ADCY8: variants seen among roughly 807,000 people sequenced by gnomAD.
ADCY8 encodes the protein adenylate cyclase 8.
A neutral mutation model predicts 119.7 loss-of-function variants in ADCY8; 51 were observed. The observed-to-expected ratio is 0.43, with a 90% CI of 0.34 to 0.54. ADCY8 has a LOEUF of 0.54. Ranked by LOEUF, ADCY8 falls within the 20% of genes least tolerant of loss-of-function variation. The pLI is 0.03. For missense variants in ADCY8, 1,383 were observed against 1,598.8 expected, an observed-to-expected ratio of 0.87 and a Z score of 2.30; for synonymous variants, 665 against 651.0, an observed-to-expected ratio of 1.02 and a Z score of -0.33.
At chr8:131,038,013 CTT>C (rs927417719) in intron 1 of ADCY8, among the ~76,000 whole-genome samples, 1 of 152,168 alleles carries the variant, frequency 6.6e-6, no homozygotes, top group East Asian at 1.9e-4. Context: ...TTTATAAACT[CTT>C]TGCTTTACCC....
intron 2 of ADCY8, among the ~76,000 whole-genome samples, chr8:130,967,957 T>C (rs1011706841): frequency 4.6e-5 from 7 of 152,140 alleles, no homozygotes; most frequent in African/African-American, 1.7e-4. Flanking sequence ...CCAAACCTCA[T>C]TGTCCTCATC....
intron 7 of ADCY8, among the ~76,000 whole-genome samples, chr8:130,897,042 T>C (rs1368947765): frequency 6.6e-6 from 1 of 152,162 alleles, no homozygotes; most frequent in African/African-American, 2.4e-5. Context: ...CAAGGTCTCT[T>C]AGTAGCAACT....
In ADCY8 at chr8:130,973,610, G is replaced by A. The variant is rs567466223; in HGVS notation, c.1110+16783C>T. Among the ~76,000 whole-genome samples the A allele has an allele frequency of 1.1e-3, 172 of 152,302 alleles. 1 individual carries two copies. Among genetic ancestry groups the A allele is most frequent in the South Asian group, 2.1e-3 (10 of 4,826 alleles). On this transcript the variant is annotated intron_variant, in intron 2 of 17. Coordinates refer to ENST00000286355, the MANE Select transcript of ADCY8 (RefSeq NM_001115.3). ...ACACACATTTGTGAGCTAAGTAAATGGTGATTGCTTTAAGCCACTACATTC... is the reference window on the plus strand; with the variant it reads ...ACACACATTTGTGAGCTAAGTAAATAGTGATTGCTTTAAGCCACTACATTC...
chr8:130,879,063 C>T (rs1471215999), intron 8 of ADCY8, among the ~76,000 whole-genome samples: 1 of 152,048 alleles, frequency 6.6e-6, no homozygotes, highest in African/African-American at 2.4e-5. Flanking sequence ...TCTTAAGATG[C>T]TAAAGTTTTG....
intron 2 of ADCY8, among the ~76,000 whole-genome samples, chr8:130,980,486 G>A (rs868496468): frequency 2.6e-5 from 4 of 152,134 alleles, no homozygotes; most frequent in South Asian, 2.1e-4. Context: ...GGTTAGAAAC[G>A]TTGGAAAAAA....
chr8:130,996,136 A>C (rs994739035), intron 1 of ADCY8, among the ~76,000 whole-genome samples: 12 of 152,170 alleles, frequency 7.9e-5, no homozygotes. Flanking sequence ...TAACAAATGC[A>C]TGAGAGCTAG....
chr8:130,930,444 G>A (rs966515774), intron 5 of ADCY8, among the ~76,000 whole-genome samples: 5 of 151,948 alleles, frequency 3.3e-5, no homozygotes, highest in Admixed American at 6.6e-5. Flanking sequence ...GTAGAGACAG[G>A]GTTTCACCGT....
Position 130,990,447 on chromosome 8 carries a change from C to G in ADCY8, c.1056G>C (p.Glu352Asp), listed in dbSNP as rs1489452194. Residue 352 changes from glutamate (E) to aspartate (D), a missense_variant, in exon 2 of 18, where the codon GAG becomes GAC. Transcript: ENST00000286355. ...SDRAQRQAFLETRRCVEARLR... is the reference protein window; with the variant it reads ...SDRAQRQAFLDTRRCVEARLR... ...GCCTGGCCTCCACACACCTCCGAGT[C>G]TCCAGGAAAGCTTGGCGCTGGGCCC... The G allele has an allele frequency of 3.1e-6, 5 of 1,614,224 alleles. No homozygotes were observed. The highest frequency in any genetic ancestry group is 4.2e-6 in the Non-Finnish European group (5 of 1,180,022).
chr8:130,976,274 G>C (rs1215732771), intron 2 of ADCY8, among the ~76,000 whole-genome samples: 1 of 152,176 alleles, frequency 6.6e-6, no homozygotes, highest in African/African-American at 2.4e-5. Context: ...CTTAGAAGGG[G>C]CTTGCGAGTG....
intron 2 of ADCY8, among the ~76,000 whole-genome samples, chr8:130,985,696 A>G (rs536013671): frequency 2.3e-4 from 35 of 152,196 alleles, no homozygotes; most frequent in South Asian, 8.3e-4. Context: ...TTTAACTTTA[A>G]AAAGTCCCCA....
chr8:130,993,372 A>T (rs28693644), intron 1 of ADCY8, among the ~76,000 whole-genome samples: 1 of 152,024 alleles, frequency 6.6e-6, no homozygotes, highest in African/African-American at 2.4e-5. Flanking sequence ...TCTCTTTTAA[A>T]ACAATTTTCA....
intron 11 of ADCY8, among the ~76,000 whole-genome samples, chr8:130,841,285 C>A (rs1041234895): frequency 1.3e-5 from 2 of 152,096 alleles, no homozygotes; most frequent in African/African-American, 4.8e-5. Context: ...ATTCTTGGGT[C>A]CACTTTAAAG....
At chr8:131,026,613 AC>A (rs1341021823) in intron 1 of ADCY8, among the ~76,000 whole-genome samples, 3 of 152,122 alleles carry the variant, frequency 2.0e-5, no homozygotes, top group South Asian at 2.1e-4. Context: ...GAAACACAGA[AC>A]CTAGGGTCCT....
intron 12 of ADCY8, among the ~76,000 whole-genome samples, chr8:130,823,129 T>A (rs1238883890): frequency 3.3e-5 from 5 of 152,242 alleles, no homozygotes; most frequent in Admixed American, 3.3e-4. Context: ...CAGAAATTTA[T>A]CATTTGAAAC....
chr8:130,894,542 A>G (rs549383241), intron 7 of ADCY8, among the ~76,000 whole-genome samples: 1 of 152,304 alleles, frequency 6.6e-6, no homozygotes, highest in African/African-American at 2.4e-5. Flanking sequence ...CACAGTGGGA[A>G]GAGACACTGC....
chr8:130,997,236 TACATATAC>T (rs1822805741), intron 1 of ADCY8, among the ~76,000 whole-genome samples: 4 of 51,188 alleles, frequency 7.8e-5, no homozygotes, highest in Admixed American at 2.3e-4. Context: ...AATATATATA[TACATATAC>T]ATATATACAT....
At chr8:130,937,312 G>A in intron 4 of ADCY8, 112 bp from the exon 5 acceptor site, 1 of 1,110,140 alleles carries the variant, frequency 9.0e-7, no homozygotes, top group Non-Finnish European at 1.2e-6. Context: ...TTGGGGTAAG[G>A]AGAACCTACC....
At chr8:130,783,261 T>G (rs1815143234) in intron 17 of ADCY8, among the ~76,000 whole-genome samples, 1 of 152,236 alleles carries the variant, frequency 6.6e-6, no homozygotes, top group South Asian at 2.1e-4. Context: ...TCTGCCATCC[T>G]CAGGAGTAGA....
At chr8:131,024,792 C>A (rs1048228711) in intron 1 of ADCY8, among the ~76,000 whole-genome samples, 2 of 152,162 alleles carry the variant, frequency 1.3e-5, no homozygotes, top group South Asian at 2.1e-4. Flanking sequence ...ATATTAAATA[C>A]CATCTAGGGA....
Sources: allele counts gnomAD v4.1 joint callset (sites outside exome capture counted in the v4.1 genomes callset), GRCh38; gene constraint gnomAD v4.1.1; transcripts MANE v1.5; gene names NCBI Gene and HGNC (gene_info 2026-07-23, HGNC 2026-07-21).